MFSD6: variants seen among roughly 807,000 people sequenced by gnomAD.
MFSD6 encodes major facilitator superfamily domain containing 6.
In MFSD6, 26 loss-of-function variants were observed where a neutral mutation model predicts 56.3. The observed-to-expected ratio is 0.46, with a 90% CI of 0.34 to 0.64. The LOEUF is 0.64. Among genes scored for constraint, MFSD6 ranks in the 30% least tolerant of loss-of-function variants. The pLI, the probability that MFSD6 is intolerant of heterozygous loss-of-function variation, is 0.01. For missense variants in MFSD6, 750 were observed against 986.2 expected (o/e 0.76, Z 3.21); for synonymous variants, 331 against 366.9 (o/e 0.90, Z 1.12).
rs1481233075 is a variant in MFSD6, at chr2:190,501,302, T to C, written c.*1084T>C. 2 of 152,226 alleles carry C rather than the reference T, an allele frequency of 1.3e-5. No homozygotes were observed. The highest frequency in any genetic ancestry group is 2.9e-5 in the Non-Finnish European group (2 of 68,040). The allele number at this position is 152,226 out of a possible 1,614,324, so 9.4% of individuals were successfully genotyped here. A position where few individuals can be genotyped will look rare whatever the true frequency, so the allele number is the denominator to read the frequency against. ...GAAGGATGGCAATAAGTAGCAACTA[T>C]ACTTTCCAATGACTAAAGAAAGAAA... is the stretch of plus-strand genomic sequence containing the variant. On this transcript the variant is annotated 3_prime_UTR_variant, in exon 8 of 8. Transcript: ENST00000392328.
chr2:190,417,761 A>T lies in MFSD6; in HGVS notation c.-54+2348A>T, dbSNP rs1690838421. ...CTACCCTGGAATAGTTTTCCCACTCATCTTTGCCTGTGAATCCTGCCCATC... is the reference window on the plus strand; with the variant it reads ...CTACCCTGGAATAGTTTTCCCACTCTTCTTTGCCTGTGAATCCTGCCCATC... On this transcript the variant is annotated intron_variant, in intron 2 of 7. Transcript: ENST00000392328. The surrounding 1 kb of genome is among the most constrained non-coding windows in gnomAD (Gnocchi z 5.7). 1.3e-5 allele frequency among the ~76,000 whole-genome samples: 2 copies of T among 151,686 alleles called. No individual in the cohort carries two copies. The highest frequency in any genetic ancestry group is 4.2e-4 in the South Asian group (2 of 4,784).
chr2:190,460,875 A>C (rs62181020), intron 3 of MFSD6, among the ~76,000 whole-genome samples: 27,456 of 152,056 alleles, frequency 0.18, 2,617 homozygotes, highest in East Asian at 0.29. Context: ...TTATAATAGA[A>C]TCTTCTTCAT....
chr2:190,474,991 A>T (rs553059481), intron 4 of MFSD6, among the ~76,000 whole-genome samples: 1 of 152,350 alleles, frequency 6.6e-6, no homozygotes, highest in East Asian at 1.9e-4. Flanking sequence ...ATAGATGCAG[A>T]AAAGCCTTTG....
chr2:190,416,400 G>A lies in MFSD6; in HGVS notation c.-54+987G>A, dbSNP rs768372474. Among the ~76,000 whole-genome samples the A allele has an allele frequency of 8.4e-4, 128 of 152,272 alleles. No individual in the cohort carries two copies. The highest frequency in any genetic ancestry group is 3.4e-3 in the Middle Eastern group (1 of 294). The stretch of plus-strand genomic sequence containing the variant: ...CAGATTTATGATGTTACAAATATAA[G>A]TAAAATGTTTCTACAGAATATTTTA... On this transcript the variant is annotated intron_variant, in intron 2 of 7. Coordinates refer to ENST00000392328, the MANE Select transcript of MFSD6 (RefSeq NM_017694.4). The surrounding 1 kb of genome is among the most constrained non-coding windows in gnomAD (Gnocchi z 4.1).
At chr2:190,486,065 G>A (rs761232986) in intron 4 of MFSD6, among the ~76,000 whole-genome samples, 1 of 152,202 alleles carries the variant, frequency 6.6e-6, no homozygotes, top group Non-Finnish European at 1.5e-5. Context: ...CTGGGTCACA[G>A]CTAAGTTACT....
In MFSD6 at chr2:190,495,485, T is replaced by A. The variant is rs561169287; in HGVS notation, c.1892-1954T>A. 6.6e-6 allele frequency among the ~76,000 whole-genome samples: 1 copy of A among 152,044 alleles called. No individual in the cohort carries two copies. Among genetic ancestry groups the A allele is most frequent in the African/African-American group, 2.4e-5 (1 of 41,402 alleles). On this transcript the variant is annotated intron_variant, in intron 6 of 7. Transcript: ENST00000392328. The surrounding 1 kb of genome is among the most constrained non-coding windows in gnomAD (Gnocchi z 4.7). ...ATACCACCATCATTCTTCACAGAAC[T>A]AGAAAAAACAATCCTAAATTTCATA...
In MFSD6 at chr2:190,454,864, G is replaced by A. The variant is rs1340087139; in HGVS notation, c.1533-14894G>A. Among the ~76,000 whole-genome samples the A allele has an allele frequency of 6.6e-6, 1 of 152,064 alleles. No individual in the cohort carries two copies. The highest frequency in any genetic ancestry group is 1.5e-5 in the Non-Finnish European group (1 of 68,020). On this transcript the variant is annotated intron_variant, in intron 3 of 7. Coordinates refer to ENST00000392328, the MANE Select transcript of MFSD6 (RefSeq NM_017694.4). This position sits in a 1 kb window ranked among gnomAD's most constrained non-coding sequence, Gnocchi z 4.6. ...GACCTATGGCCTAACATAGTGGGAT[G>A]ATGGTAGGAGTGAGTCCGGCAACGG...
chr2:190,423,838 C>T lies in MFSD6; in HGVS notation c.-54+8425C>T, dbSNP rs190170545. Among the ~76,000 whole-genome samples, 271 of 152,256 alleles carry T rather than the reference C, an allele frequency of 1.8e-3. 3 individuals carry two copies. The highest frequency in any genetic ancestry group is 6.2e-3 in the African/African-American group (257 of 41,548). ...TTTTTATTTTAACCATTCTTATAGA[C>T]GTGTAGTGATATAGCATCATGGTTT... On this transcript the variant is annotated intron_variant, in intron 2 of 7. Coordinates refer to ENST00000392328, the MANE Select transcript of MFSD6 (RefSeq NM_017694.4). The surrounding 1 kb of genome is among the most constrained non-coding windows in gnomAD (Gnocchi z 4.3).
At chr2:190,472,556 G>A (rs1359307970) in intron 4 of MFSD6, among the ~76,000 whole-genome samples, 1 of 152,226 alleles carries the variant, frequency 6.6e-6, no homozygotes, top group Non-Finnish European at 1.5e-5. Flanking sequence ...AAAAAGAAAC[G>A]AACAAAGCCT....
chr2:190,408,343 C>G (rs1349135494), upstream of MFSD6: 1 of 151,742 alleles, frequency 6.6e-6, no homozygotes, highest in Non-Finnish European at 1.5e-5. Context: ...CTCGCCGCGC[C>G]CCGCCCAGCC....
Position 190,436,019 on chromosome 2 carries a change from G to C in MFSD6, c.-11G>C, listed in dbSNP as rs972865191. 6.3e-7 allele frequency: 1 copy of C among 1,595,164 alleles called. No homozygotes were observed. The highest frequency in any genetic ancestry group is 1.8e-5 in the Admixed American group (1 of 57,012). ...TGAAGTTTGTAAACTTGCTGATGGT[G>C]GTGGTAAGCCATGGCAGATGATAAA... is the stretch of plus-strand genomic sequence containing the variant. On this transcript the variant is annotated 5_prime_UTR_variant, in exon 3 of 8. Coordinates refer to ENST00000392328, the MANE Select transcript of MFSD6 (RefSeq NM_017694.4). The surrounding 1 kb of genome is among the most constrained non-coding windows in gnomAD (Gnocchi z 5.3).
At chr2:190,445,130 G>A (rs932096383) in intron 3 of MFSD6, among the ~76,000 whole-genome samples, 6 of 152,212 alleles carry the variant, frequency 3.9e-5, no homozygotes, top group African/African-American at 1.4e-4. Flanking sequence ...ACAATCTTGG[G>A]CCTGCTGTGT....
chr2:190,410,518 C>T lies in MFSD6; in HGVS notation c.-176+2015C>T, dbSNP rs1246490224. Among the ~76,000 whole-genome samples the T allele has an allele frequency of 6.6e-6, 1 of 152,170 alleles. No individual in the cohort carries two copies. Among genetic ancestry groups the T allele is most frequent in the African/African-American group, 2.4e-5 (1 of 41,440 alleles). On this transcript the variant is annotated intron_variant, in intron 1 of 7. Transcript: ENST00000392328. This position sits in a 1 kb window ranked among gnomAD's most constrained non-coding sequence, Gnocchi z 4.4. The stretch of plus-strand genomic sequence containing the variant: ...AATGTACATGTATTACTTATGTTAA[C>T]ATTTAGCCATGTAGGATAATTTATA...
chr2:190,478,910 T>A lies in MFSD6; in HGVS notation c.1630+9055T>A, dbSNP rs187709560. Among the ~76,000 whole-genome samples, 123 of 152,060 alleles carry A rather than the reference T, an allele frequency of 8.1e-4. 1 individual carries two copies. Among genetic ancestry groups the A allele is most frequent in the Non-Finnish European group, 9.3e-4 (63 of 67,986 alleles). The stretch of plus-strand genomic sequence containing the variant: ...ATCCCCAAAACACCACGAGAACTAG[T>A]ACTGTCTAGTACTATCTAGAGGGTA... On this transcript the variant is annotated intron_variant, in intron 4 of 7. Transcript: ENST00000392328.
intron 2 of MFSD6, among the ~76,000 whole-genome samples, chr2:190,419,683 C>T (rs942261970): frequency 4.6e-5 from 7 of 152,164 alleles, no homozygotes; most frequent in East Asian, 1.9e-4. Flanking sequence ...CATATATTTG[C>T]GGATAACTCA....
Position 190,426,024 on chromosome 2 carries a change from T to A in MFSD6, c.-53-9953T>A, listed in dbSNP as rs1685775753. Reference sequence around the variant, plus strand: ...TTTTAGAAGTTTGACTGATGAGTTTTGGTGTGGGCATTTTGTTTTAGTTTT... The same window carrying A: ...TTTTAGAAGTTTGACTGATGAGTTTAGGTGTGGGCATTTTGTTTTAGTTTT... On this transcript the variant is annotated intron_variant, in intron 2 of 7. Transcript: ENST00000392328. This position sits in a 1 kb window ranked among gnomAD's most constrained non-coding sequence, Gnocchi z 4.7. 6.6e-6 allele frequency among the ~76,000 whole-genome samples: 1 copy of A among 152,216 alleles called. No individual in the cohort carries two copies. Among genetic ancestry groups the A allele is most frequent in the Non-Finnish European group, 1.5e-5 (1 of 68,030 alleles).
In MFSD6 at chr2:190,496,668, ATGTG is replaced by A. The variant is rs532159588; in HGVS notation, c.1892-763_1892-760del. On this transcript the variant is annotated intron_variant, in intron 6 of 7. Coordinates refer to ENST00000392328, the MANE Select transcript of MFSD6 (RefSeq NM_017694.4). This position sits in a 1 kb window ranked among gnomAD's most constrained non-coding sequence, Gnocchi z 4.7. ...TATGTATATGTGTATATGTGTGTGT[ATGTG>A]TGTGTGTATATACACACACACACAT... 7.9e-5 allele frequency among the ~76,000 whole-genome samples: 12 copies of A among 151,684 alleles called. No individual in the cohort carries two copies. The East Asian group carries it at 1.7e-3, about 22-fold the overall frequency.
rs1441122524 is a variant in MFSD6, at chr2:190,457,363, T to C, written c.1533-12395T>C. On this transcript the variant is annotated intron_variant, in intron 3 of 7. Transcript: ENST00000392328. This position sits in a 1 kb window ranked among gnomAD's most constrained non-coding sequence, Gnocchi z 5.1. ...TCTAACTTTCTTCTTTGGCTGGTTTTAGTATGTGAAAAAAACCACCTAGCA... is the reference window on the plus strand; with the variant it reads ...TCTAACTTTCTTCTTTGGCTGGTTTCAGTATGTGAAAAAAACCACCTAGCA... Among the ~76,000 whole-genome samples, 1 of 152,172 alleles carries C rather than the reference T, an allele frequency of 6.6e-6. No individual in the cohort carries two copies. The highest frequency in any genetic ancestry group is 1.5e-5 in the Non-Finnish European group (1 of 68,024).
In MFSD6 at chr2:190,488,574, CTAGT is replaced by C. The variant is rs1689150328; in HGVS notation, c.1631-80_1631-77del. 2.5e-6 allele frequency: 3 copies of C among 1,187,370 alleles called. No individual in the cohort carries two copies. The highest frequency in any genetic ancestry group is 2.7e-5 in the South Asian group (1 of 37,226). 73.6% of individuals were successfully genotyped at this position (1,187,370 alleles called of 1,614,324 possible). Reference sequence around the variant, plus strand: ...CACAACAAATCTTAAAAATAGGTGCCTAGTTAAATAATTCACATTTCAAAACAGA... The same window carrying C: ...CACAACAAATCTTAAAAATAGGTGCCTAAATAATTCACATTTCAAAACAGA... On this transcript the variant is annotated intron_variant, in intron 4 of 7. Transcript: ENST00000392328. The surrounding 1 kb of genome is among the most constrained non-coding windows in gnomAD (Gnocchi z 6.4).
Sources: gnomAD v4.1 joint callset for allele counts (sites outside exome capture counted in the v4.1 genomes callset) on GRCh38, gnomAD v4.1.1 for gene constraint, Gnocchi (gnomAD v3.1) non-coding constraint, MANE v1.5 for transcripts, NCBI Gene and HGNC (gene_info 2026-07-23, HGNC 2026-07-21) for gene names.